Variants in COL5A3 observed in about 807,000 individuals in gnomAD.
COL5A3 encodes collagen alpha-3(V) chain.
A neutral mutation model predicts 250.0 loss-of-function variants in COL5A3; 172 were observed. The observed-to-expected ratio is 0.69, with a 90% CI of 0.61 to 0.78. The LOEUF (loss-of-function observed/expected upper bound fraction) is 0.78, where lower values mean the gene tolerates loss of function less well. COL5A3 is among the 30% of genes least tolerant of loss of function. COL5A3 has a pLI of 0.00. For missense variants in COL5A3, 2,340 were observed against 2,334.4 expected, an observed-to-expected ratio of 1.00 and a Z score of -0.05; for synonymous variants, 937 against 900.4, an observed-to-expected ratio of 1.04 and a Z score of -0.73.
chr19:9,981,340 T>A (rs578048477), intron 32 of COL5A3, among the ~76,000 whole-genome samples: 30 of 152,184 alleles, frequency 2.0e-4, no homozygotes, highest in Non-Finnish European at 3.7e-4. Flanking sequence ...TATGATTGCA[T>A]CTACAGAGTA....
intron 13 of COL5A3, 55 bp downstream of exon 13, chr19:9,996,378 C>G: frequency 6.3e-7 from 1 of 1,590,404 alleles, no homozygotes; most frequent in Non-Finnish European, 8.6e-7. Context: ...CTCCTTACGC[C>G]GAGGCTCTAT....
At position 9,967,743 on chromosome 19, in the gene COL5A3, G is replaced by A. The variant is rs532973089; in HGVS notation, c.4404+161C>T. The stretch of plus-strand genomic sequence containing the variant: ...TACATCTTATAATTGATGGCATTTT[G>A]GATCTGATGAAATACAACCGTAGGT... On this transcript the variant is annotated intron_variant, in intron 61 of 66. Transcript: ENST00000264828. The A allele has an allele frequency of 1.0e-5, 7 of 677,198 alleles. No homozygotes were observed. The East Asian group carries it at 1.8e-4, about 17-fold the overall frequency. The allele number at this position is 677,198 out of a possible 1,614,324, so 41.9% of individuals were successfully genotyped here.
rs761826919 is a variant in COL5A3 at position 10,001,890 on chromosome 19, G to A, written c.850-9C>T. 1 of 1,599,706 alleles carries A rather than the reference G, an allele frequency of 6.3e-7. No individual in the cohort carries two copies. Among genetic ancestry groups the A allele is most frequent in the South Asian group, 1.1e-5 (1 of 90,662 alleles). On this transcript the variant is annotated splice_polypyrimidine_tract_variant and intron_variant, in intron 6 of 66. Coordinates refer to ENST00000264828, the MANE Select transcript of COL5A3 (RefSeq NM_015719.4). ...GGGATGTCAGTGGAGGTCTGGAGCA[G>A]GGATGGAGGGAGCCTTGGGTCTCGG...
At chr19:10,006,453 G>A (rs80057937) in intron 1 of COL5A3, among the ~76,000 whole-genome samples, 1 of 149,236 alleles carries the variant, frequency 6.7e-6, no homozygotes, top group Non-Finnish European at 1.5e-5. Flanking sequence ...TGTTGACTCT[G>A]TTTTTTTTTT....
At chr19:10,002,155 G>A (rs1426107178) in intron 6 of COL5A3, among the ~76,000 whole-genome samples, 4 of 152,132 alleles carry the variant, frequency 2.6e-5, no homozygotes, top group East Asian at 1.9e-4. Flanking sequence ...CCAGGCTCCC[G>A]GAAGCCTAGC....
intron 51 of COL5A3, among the ~76,000 whole-genome samples, chr19:9,972,407 A>G (rs1447123752): frequency 6.6e-6 from 1 of 152,132 alleles, no homozygotes; most frequent in African/African-American, 2.4e-5. Context: ...TCACTTGTCC[A>G]TTCATTAATT....
chr19:9,966,879 G>A (rs1351385115), intron 62 of COL5A3, 133 bp from the exon 63 acceptor site: 2 of 679,896 alleles, frequency 2.9e-6, no homozygotes, highest in Non-Finnish European at 4.9e-6. Context: ...ATAAACAAGG[G>A]GCAGAGATAG....
rs2087463089 is a variant in COL5A3, at chr19:10,007,695, G to C, written c.89-1464C>G. Among the ~76,000 whole-genome samples the C allele has an allele frequency of 2.0e-5, 3 of 152,300 alleles. 1 individual carries two copies. The South Asian group carries it at 6.2e-4, about 32-fold the overall frequency. The stretch of plus-strand genomic sequence containing the variant: ...CTGCTGATCTCACCACGGGGAGCTG[G>C]GGCGGGGGGGCTAAGACGTTGGGGA... On this transcript the variant is annotated intron_variant, in intron 1 of 66. Transcript: ENST00000264828.
rs1339031575 is a variant in COL5A3 at position 9,985,881 on chromosome 19, C to A, written c.2367G>T (p.Val789=). Residue 789 remains valine (V), a synonymous_variant, in exon 31 of 67, where the codon GTG becomes GTT. Transcript: ENST00000264828. ...GSAGEKGKLG[V]PGLPGYPGRP... is the part of the protein sequence containing the mutation. The stretch of plus-strand genomic sequence containing the variant: ...GTCCTGGATAACCTGGGAGGCCTGG[C>A]ACCCCAAGCTTGCCCTGCAGAAAGG... The A allele has an allele frequency of 1.5e-5, 25 of 1,613,918 alleles. No homozygotes were observed. Among genetic ancestry groups the A allele is most frequent in the Non-Finnish European group, 2.0e-5 (24 of 1,179,960 alleles).
Position 10,005,914 on chromosome 19 carries a change from G to A in COL5A3, c.319C>T (p.Leu107=), listed in dbSNP as rs750153856. The A allele has an allele frequency of 1.2e-6, 2 of 1,614,080 alleles. No homozygotes were observed. The highest frequency in any genetic ancestry group is 1.7e-6 in the Non-Finnish European group (2 of 1,180,010). The change falls in exon 3 of 67, where the codon CTG becomes TTG. Residue 107 remains leucine, a synonymous_variant. Transcript: ENST00000264828. ...GCACCCCTTTCATCATAAATGGACA[G>A]CAGGACAGACTGATTGGCTGGCTGT... The part of the protein sequence containing the change: ...RGQPANQSVL[L]SIYDERGARQ...
chr19:9,999,136 TTTCCTTCCTTCCTTCC>T lies in COL5A3; in HGVS notation c.1111-1003_1111-988del, dbSNP rs142456677. ...GGCTTTTCCTTTTTTCTCTCTCTTT[TTTCCTTCCTTCCTTCC>T]TTCCTTCCTTCCTTCCTTCCTTCTC... On this transcript the variant is annotated intron_variant, in intron 8 of 66. Transcript: ENST00000264828. 1.3e-4 allele frequency among the ~76,000 whole-genome samples: 17 copies of T among 126,742 alleles called. No homozygotes were observed. In the East Asian group the frequency reaches 1.7e-3, roughly 13 times the overall value. 83.1% of individuals were successfully genotyped at this position (126,742 alleles called of 152,430 possible). A position where few individuals can be genotyped will look rare whatever the true frequency, so the allele number is the denominator to read the frequency against.
intron 53 of COL5A3, 106 bp from the exon 54 acceptor site, chr19:9,970,781 A>G (rs1303191082): frequency 9.3e-6 from 10 of 1,070,454 alleles, no homozygotes; most frequent in Non-Finnish European, 2.6e-6. Context: ...GCCTCACCCC[A>G]GCACCGGGTA....
intron 11 of COL5A3, 192 bp from the exon 12 acceptor site, chr19:9,996,881 T>G: frequency 8.8e-6 from 5 of 565,846 alleles, no homozygotes; most frequent in Admixed American, 3.6e-5. Flanking sequence ...AAGACAGAGA[T>G]GGAACAGAGA....
intron 51 of COL5A3, 73 bp downstream of exon 51, chr19:9,972,846 A>G (rs2086872710): frequency 3.3e-6 from 4 of 1,221,666 alleles, no homozygotes; most frequent in South Asian, 1.6e-5. Context: ...AAAAAAAAAA[A>G]AAGTTTGGGA....
At chr19:9,977,786 C>T in intron 41 of COL5A3, 85 bp from the exon 42 acceptor site, 2 of 1,117,868 alleles carry the variant, frequency 1.8e-6, no homozygotes, top group Non-Finnish European at 2.4e-6. Flanking sequence ...GCACTGAGTT[C>T]TGAGGTTACC....
Position 10,005,827 on chromosome 19 carries a change from G to A in COL5A3, c.406C>T (p.Leu136Phe). The A allele has an allele frequency of 1.2e-6, 2 of 1,612,672 alleles. No individual in the cohort carries two copies. The highest frequency in any genetic ancestry group is 2.2e-5 in the South Asian group (2 of 90,974). ...LGLLGDPFRP[L>F]PQQVNLTDGR... ...TCTGTGAGGTTGACCTGCTGGGGGA[G>A]GGGGCGGAAGGGGTCACCTAGGAGA... The change falls in exon 3 of 67, where the codon CTC becomes TTC. Residue 136 changes from leucine to phenylalanine, a missense_variant. Physicochemically the swap from Leu to Phe is conservative, Grantham distance 22. Coordinates refer to ENST00000264828, the MANE Select transcript of COL5A3 (RefSeq NM_015719.4).
rs545475067 is a variant in COL5A3, at chr19:9,996,605, T to G, written c.1338+10A>C. On this transcript the variant is annotated intron_variant, in intron 12 of 66. Transcript: ENST00000264828. ...CTCCCCAAGGCTGGGCCACTCCATC[T>G]CCTTCTTACCGGCATCATGATCACA... is the stretch of plus-strand genomic sequence containing the variant. 1 of 1,613,836 alleles carries G rather than the reference T, an allele frequency of 6.2e-7. No individual in the cohort carries two copies. The highest frequency in any genetic ancestry group is 1.1e-5 in the South Asian group (1 of 91,060).
intron 31 of COL5A3, among the ~76,000 whole-genome samples, chr19:9,984,362 G>T (rs183065742): frequency 1.3e-5 from 2 of 152,248 alleles, no homozygotes; most frequent in African/African-American, 4.8e-5. Flanking sequence ...TAGAGAAACA[G>T]AACTCATCAG....
At chr19:9,970,127 GGGTGAGTGGAGGCTGT>G (rs1265154574) in intron 54 of COL5A3, among the ~76,000 whole-genome samples, 1 of 48,034 alleles carries the variant, frequency 2.1e-5, no homozygotes, top group Non-Finnish European at 4.0e-5. Context: ...TGGAGGCTGT[GGGTGAGTGGAGGCTGT>G]GGGTGAGTGG....
Sources: gnomAD v4.1 joint callset for allele counts (sites outside exome capture counted in the v4.1 genomes callset) on GRCh38, gnomAD v4.1.1 for gene constraint, MANE v1.5 for transcripts, NCBI Gene and HGNC (gene_info 2026-07-23, HGNC 2026-07-21) for gene names.